Variants in UBE2Q1 observed in about 807,000 individuals in gnomAD.
UBE2Q1 encodes ubiquitin conjugating enzyme E2 Q1.
Under a neutral mutation model 60.1 loss-of-function variants are expected in UBE2Q1, and 6 were observed. The ratio of observed to expected loss-of-function variants is 0.10; its 90% CI spans 0.05 to 0.20. UBE2Q1 has a LOEUF of 0.20. UBE2Q1 is among the 10% of genes least tolerant of loss of function. The pLI, the probability that UBE2Q1 is intolerant of heterozygous loss-of-function variation, is 1.00. For missense variants in UBE2Q1, 262 were observed against 525.8 expected, an observed-to-expected ratio of 0.50 and a Z score of 4.91; for synonymous variants, 226 against 208.3, an observed-to-expected ratio of 1.09 and a Z score of -0.73.
chr1:154,551,681 G>A (rs1386202633), intron 10 of UBE2Q1, 90 bp downstream of exon 10: 78 of 1,564,012 alleles, frequency 5.0e-5, no homozygotes, highest in Non-Finnish European at 6.6e-5. Flanking sequence ...GCCACATCAT[G>A]TCTATCACCC....
rs375941844 is a variant in UBE2Q1, at chr1:154,552,510, T to G, written c.815-46A>C. 31 of 1,609,268 alleles carry G rather than the reference T, an allele frequency of 1.9e-5. No individual in the cohort carries two copies. In the African/African-American group the frequency reaches 3.7e-4, roughly 19 times the overall value. ...GGTGTTAGTAGAATGGTCCAGGTGG[T>G]GAGTGGTCTCTAATGCAGACCCCTT... On this transcript the variant is annotated intron_variant, in intron 6 of 12. Transcript: ENST00000292211.
chr1:154,550,200 G>C lies in UBE2Q1; in HGVS notation c.*238C>G. The C allele has an allele frequency of 6.0e-6, 3 of 497,900 alleles. No homozygotes were observed. Among genetic ancestry groups the C allele is most frequent in the Non-Finnish European group, 1.1e-5 (3 of 282,176 alleles). 30.8% of individuals were successfully genotyped at this position (497,900 alleles called of 1,614,324 possible). On this transcript the variant is annotated 3_prime_UTR_variant, in exon 13 of 13. Transcript: ENST00000292211. ...TTTTATAAGAATGCCTGCTAGCAAGGGTTCCAGCAAGGTGGTTGGTTGGTC... is the reference window on the plus strand; with the variant it reads ...TTTTATAAGAATGCCTGCTAGCAAGCGTTCCAGCAAGGTGGTTGGTTGGTC...
At chr1:154,554,948 G>T in intron 3 of UBE2Q1, 163 bp from the exon 4 acceptor site, 1 of 661,336 alleles carries the variant, frequency 1.5e-6, no homozygotes, top group Non-Finnish European at 2.5e-6. Context: ...ACAGCCCAGG[G>T]AATGGCTTTG....
chr1:154,552,846 T>C (rs1695816137), intron 5 of UBE2Q1, 26 bp from the exon 6 acceptor site: 5 of 1,612,734 alleles, frequency 3.1e-6, no homozygotes. Context: ...GACAGGAACA[T>C]TCCTTGGTCG....
At chr1:154,557,880 A>G (rs990184485) in intron 1 of UBE2Q1, among the ~76,000 whole-genome samples, 1 of 152,066 alleles carries the variant, frequency 6.6e-6, no homozygotes, top group Non-Finnish European at 1.5e-5. Flanking sequence ...AAACCTTGAA[A>G]TAAGAGTAAG....
chr1:154,549,691 A>G lies in UBE2Q1; in HGVS notation c.*747T>C, dbSNP rs1695759887. The stretch of plus-strand genomic sequence containing the variant: ...ATTTGAAAACATCTGTGACTAGAAA[A>G]GTAGTCCTAAGAATTAACACCATCG... On this transcript the variant is annotated 3_prime_UTR_variant, in exon 13 of 13. Transcript: ENST00000292211. 2 of 152,658 alleles carry G rather than the reference A, an allele frequency of 1.3e-5. No homozygotes were observed. The highest frequency in any genetic ancestry group is 6.5e-5 in the Admixed American group (1 of 15,286). The allele number at this position is 152,658 out of a possible 1,614,324, so 9.5% of individuals were successfully genotyped here.
chr1:154,551,162 G>T, intron 11 of UBE2Q1, 158 bp from the exon 12 acceptor site: 1 of 929,422 alleles, frequency 1.1e-6, no homozygotes, highest in South Asian at 1.5e-5. Flanking sequence ...TCCCTTGGAG[G>T]CATAATCCCA....
chr1:154,552,532 C>A, intron 6 of UBE2Q1, 68 bp from the exon 7 acceptor site: 1 of 1,563,256 alleles, frequency 6.4e-7, no homozygotes, highest in Non-Finnish European at 8.8e-7. Flanking sequence ...AATGCAGACC[C>A]CTTTCCCAGA....
chr1:154,553,689 A>G (rs1695834570), intron 4 of UBE2Q1: 1 of 154,910 alleles, frequency 6.5e-6, no homozygotes, highest in Non-Finnish European at 1.4e-5. Context: ...AGAGGCACGC[A>G]CTGCCAGATG....
intron 12 of UBE2Q1, 171 bp downstream of exon 12, chr1:154,550,767 G>A: frequency 1.0e-6 from 1 of 985,386 alleles, no homozygotes; most frequent in Non-Finnish European, 1.2e-6. Context: ...TCTGGAAGAG[G>A]TTGTGAATGT....
rs1181584361 is a variant in UBE2Q1, at chr1:154,558,135, TC to T, written c.327+91del. The T allele has an allele frequency of 2.7e-6, 3 of 1,113,382 alleles. No individual in the cohort carries two copies. The East Asian group carries it at 8.7e-5, about 32-fold the overall frequency. 69.0% of individuals were successfully genotyped at this position (1,113,382 alleles called of 1,614,324 possible). A position where few individuals can be genotyped will look rare whatever the true frequency, so the allele number is the denominator to read the frequency against. On this transcript the variant is annotated intron_variant, in intron 1 of 12. Transcript: ENST00000292211. The stretch of plus-strand genomic sequence containing the variant: ...CTGAGCCCTGAGAGGGGCTTCGGCC[TC>T]CCAGGTCCTTCGAGAGCAAAAAGCT...
chr1:154,556,085 C>A lies in UBE2Q1; in HGVS notation c.328-121G>T, dbSNP rs1695881890. 9.3e-6 allele frequency: 7 copies of A among 754,958 alleles called. No individual in the cohort carries two copies. The South Asian group carries it at 1.2e-4, about 13-fold the overall frequency. 46.8% of individuals were successfully genotyped at this position (754,958 alleles called of 1,614,324 possible). On this transcript the variant is annotated intron_variant, in intron 1 of 12. Transcript: ENST00000292211. Reference sequence around the variant, plus strand: ...TTGCTTCCCACCCCCACCCCCTACACACACATAAAAGCCCAACTTAGGTCA... The same window carrying A: ...TTGCTTCCCACCCCCACCCCCTACAAACACATAAAAGCCCAACTTAGGTCA...
rs1695934454 is a variant in UBE2Q1, at chr1:154,558,489, C to T, written c.65G>A (p.Gly22Glu). 8.0e-7 allele frequency: 1 copy of T among 1,244,794 alleles called. No individual in the cohort carries two copies. The highest frequency in any genetic ancestry group is 4.5e-5 in the Admixed American group (1 of 22,388). The allele number at this position is 1,244,794 out of a possible 1,614,324, so 77.1% of individuals were successfully genotyped here. A position where few individuals can be genotyped will look rare whatever the true frequency, so the allele number is the denominator to read the frequency against. ...GCCGCCCCCGGCCCCCGGCGCCGCCCCCTGGCCCCCCAGCTGCTGCCCCGG... is the reference window on the plus strand; with the variant it reads ...GCCGCCCCCGGCCCCCGGCGCCGCCTCCTGGCCCCCCAGCTGCTGCCCCGG... ...PGPGQQLGGQGAAPGAGGGPG... is the reference protein window; with the variant it reads ...PGPGQQLGGQEAAPGAGGGPG... Residue 22 changes from glycine to glutamate, a missense_variant, in exon 1 of 13, where the codon GGG (glycine) becomes GAG (glutamate). Gly to Glu is a moderately conservative substitution (Grantham distance 98). Around this residue, in one of 5 missense-constraint regions of UBE2Q1, gnomAD observed 70 missense variants for 56.7 expected, o/e 1.24. Coordinates refer to ENST00000292211, the MANE Select transcript of UBE2Q1 (RefSeq NM_017582.7).
Position 154,554,789 on chromosome 1 carries a change from C to T in UBE2Q1, c.538-4G>A, listed in dbSNP as rs1470422868. ...AAGACACGTCTTCCTGTGTGCACTG[C>T]AGCAAGGAAGGGAAAGATGGAGATC... On this transcript the variant is annotated splice_polypyrimidine_tract_variant and splice_region_variant and intron_variant, in intron 3 of 12. Coordinates refer to ENST00000292211, the MANE Select transcript of UBE2Q1 (RefSeq NM_017582.7). 6.2e-7 allele frequency: 1 copy of T among 1,613,202 alleles called. No homozygotes were observed. Among genetic ancestry groups the T allele is most frequent in the Admixed American group, 1.7e-5 (1 of 59,988 alleles).
Position 154,551,906 on chromosome 1 carries a change from A to C in UBE2Q1, c.1025+15T>G. 6.2e-7 allele frequency: 1 copy of C among 1,614,176 alleles called. No homozygotes were observed. The highest frequency in any genetic ancestry group is 2.2e-5 in the East Asian group (1 of 44,880). On this transcript the variant is annotated intron_variant, in intron 9 of 12. Coordinates refer to ENST00000292211, the MANE Select transcript of UBE2Q1 (RefSeq NM_017582.7). The stretch of plus-strand genomic sequence containing the variant: ...TGCCAGAGGAGATGCCCTCTTCCGC[A>C]TGCCAGCCACTCACCCTCCAGAGAG...
chr1:154,551,996 C>T lies in UBE2Q1; in HGVS notation c.967-17G>A, dbSNP rs56013613. ...AAAGTTATCCTGAGAGAGAGAGAGA[C>T]GACAATCAGGGGAGGGAGGCCAGCA... On this transcript the variant is annotated splice_polypyrimidine_tract_variant and intron_variant, in intron 8 of 12. Transcript: ENST00000292211. The T allele has an allele frequency of 4.3e-3, 6,941 of 1,613,694 alleles. 24 individuals carry two copies. The highest frequency in any genetic ancestry group is 5.4e-3 in the Non-Finnish European group (6,371 of 1,179,800).
chr1:154,554,863 GC>G, intron 3 of UBE2Q1, 78 bp from the exon 4 acceptor site: 1 of 1,504,754 alleles, frequency 6.6e-7, no homozygotes, highest in Non-Finnish European at 9.1e-7. Context: ...ACTCCCCTGA[GC>G]CCCCAGGTCT....
chr1:154,557,387 A>G (rs150628483), intron 1 of UBE2Q1, among the ~76,000 whole-genome samples: 10 of 152,364 alleles, frequency 6.6e-5, no homozygotes, highest in African/African-American at 2.4e-4. Flanking sequence ...GCAGAAGCCA[A>G]TTCTCTGTTC....
At chr1:154,551,339 G>T in intron 11 of UBE2Q1, 58 bp downstream of exon 11, 4 of 1,564,892 alleles carry the variant, frequency 2.6e-6, no homozygotes, top group Non-Finnish European at 3.5e-6. Context: ...GCCTGCTAGT[G>T]GCCCCAAGTG....
Sources: allele counts gnomAD v4.1 joint callset (sites outside exome capture counted in the v4.1 genomes callset), GRCh38; gene constraint gnomAD v4.1.1; regional missense constraint gnomAD v4.1.1; transcripts MANE v1.5; gene names NCBI Gene and HGNC (gene_info 2026-07-23, HGNC 2026-07-21).